The following SLC2A9 variants were observed in gnomAD, a reference collection of about 807,000 sequenced individuals.
SLC2A9 encodes the protein solute carrier family 2, facilitated glucose transporter member 9.
A neutral mutation model predicts 50.6 loss-of-function variants in SLC2A9; 39 were observed. The observed-to-expected ratio is 0.77, with a 90% confidence interval of 0.60 to 1.01. The LOEUF (loss-of-function observed/expected upper bound fraction) is 1.01, where lower values mean the gene tolerates loss of function less well. Ranked by LOEUF, SLC2A9 falls within the 50% of genes least tolerant of loss-of-function variation. The pLI, the probability that SLC2A9 is intolerant of heterozygous loss-of-function variation, is 0.00. For missense variants in SLC2A9, 686 were observed against 677.6 expected, an observed-to-expected ratio of 1.01 and a Z score of -0.14; for synonymous variants, 324 against 276.9, an observed-to-expected ratio of 1.17 and a Z score of -1.69.
chr4:9,932,270 G>A lies in SLC2A9; in HGVS notation c.814+9643C>T, dbSNP rs76010659. ...TTTAAGCAGCAGCGTGCTACAGACT[G>A]TACTCAGCCTTTGGTATACTTTGGT... On this transcript the variant is annotated intron_variant, in intron 6 of 11. Coordinates refer to ENST00000264784, the MANE Select transcript of SLC2A9 (RefSeq NM_020041.3). 1.3e-3 allele frequency among the ~76,000 whole-genome samples: 190 copies of A among 151,986 alleles called. 4 individuals carry two copies. The East Asian group carries it at 0.035, about 28-fold the overall frequency.
Position 9,935,755 on chromosome 4 carries a change from G to A in SLC2A9, c.814+6158C>T, listed in dbSNP as rs114847559. Among the ~76,000 whole-genome samples, 545 of 152,316 alleles carry A rather than the reference G, an allele frequency of 3.6e-3. 4 individuals carry two copies. The highest frequency in any genetic ancestry group is 0.011 in the African/African-American group (469 of 41,572). On this transcript the variant is annotated intron_variant, in intron 6 of 11. Transcript: ENST00000264784. ...CCCCTGAACATATGCTCCCAGCACC[G>A]TCTCGCCTGCAGATGCACCCAGTCA...
intron 6 of SLC2A9, among the ~76,000 whole-genome samples, chr4:9,938,124 T>G (rs1328080727): frequency 6.6e-6 from 1 of 152,224 alleles, no homozygotes; most frequent in Non-Finnish European, 1.5e-5. Context: ...ATTTTCAGTT[T>G]TAAGCAGATA....
At chr4:9,822,614 G>A (rs1463619175), downstream of SLC2A9, among the ~76,000 whole-genome samples, 1 of 151,990 alleles carries the variant, frequency 6.6e-6, no homozygotes, top group African/African-American at 2.4e-5. Flanking sequence ...ATATAGATGG[G>A]CCTTCAAAAA....
At chr4:9,838,607 C>T (rs1261943754) in intron 10 of SLC2A9, among the ~76,000 whole-genome samples, 1 of 152,118 alleles carries the variant, frequency 6.6e-6, no homozygotes, top group East Asian at 1.9e-4. Context: ...TAAAACAATA[C>T]TACAGAATTA....
At chr4:9,898,473 A>G (rs1428565585) in intron 8 of SLC2A9, among the ~76,000 whole-genome samples, 1 of 152,150 alleles carries the variant, frequency 6.6e-6, no homozygotes, top group Non-Finnish European at 1.5e-5. Context: ...CATTGTCTAT[A>G]TTGTATTCAA....
In SLC2A9 at chr4:9,880,080, T is replaced by C. The variant is rs117025073; in HGVS notation, c.1291+7487A>G. ...CATGAGTCTCTCTGCCATTCAGCTC[T>C]GAGCATCTTCCTGCCACACTTTCCC... On this transcript the variant is annotated intron_variant, in intron 10 of 11. Transcript: ENST00000264784. 1.0e-5 allele frequency: 10 copies of C among 985,474 alleles called. No individual in the cohort carries two copies. In the East Asian group the frequency reaches 1.1e-3, roughly 112 times the overall value. The allele number at this position is 985,474 out of a possible 1,614,324, so 61.0% of individuals were successfully genotyped here.
At chr4:10,008,899 GGT>G (rs1491549284) in intron 2 of SLC2A9, among the ~76,000 whole-genome samples, 1 of 134,784 alleles carries the variant, frequency 7.4e-6, no homozygotes, top group Non-Finnish European at 1.6e-5. Context: ...TCTGTGCGGT[GGT>G]TTTTTTTTTT....
intron 1 of SLC2A9, among the ~76,000 whole-genome samples, chr4:10,031,812 T>G (rs1182504596): frequency 6.6e-6 from 1 of 152,152 alleles, no homozygotes; most frequent in Non-Finnish European, 1.5e-5. Flanking sequence ...CCATTCTTGA[T>G]CCCAAGCACT....
intron 5 of SLC2A9, among the ~76,000 whole-genome samples, chr4:9,973,195 A>G (rs1473132618): frequency 1.3e-5 from 2 of 152,230 alleles, no homozygotes; most frequent in African/African-American, 4.8e-5. Context: ...GAAAATCTAG[A>G]GGAAATGAAT....
chr4:9,874,674 T>A (rs1733986704), intron 10 of SLC2A9, among the ~76,000 whole-genome samples: 1 of 152,240 alleles, frequency 6.6e-6, no homozygotes, highest in African/African-American at 2.4e-5. Context: ...ATGTAGGAGA[T>A]GGTGCAGTCC....
intron 5 of SLC2A9, among the ~76,000 whole-genome samples, chr4:9,960,695 G>A (rs1553892273): frequency 6.6e-6 from 1 of 152,184 alleles, no homozygotes; most frequent in African/African-American, 2.4e-5. Context: ...TGTTGTTGTT[G>A]TTTGAATTAG....
At chr4:9,976,183 C>G (rs1754774253) in intron 5 of SLC2A9, among the ~76,000 whole-genome samples, 1 of 152,136 alleles carries the variant, frequency 6.6e-6, no homozygotes, top group Non-Finnish European at 1.5e-5. Context: ...ATAAATTATA[C>G]CCCAAACTTG....
intron 3 of SLC2A9, among the ~76,000 whole-genome samples, chr4:9,992,790 A>G (rs1000533899): frequency 6.6e-6 from 1 of 152,242 alleles, no homozygotes; most frequent in African/African-American, 2.4e-5. Context: ...TTTGGGCTTC[A>G]GCCAGTTTGC....
chr4:9,862,769 C>T (rs1256988601), intron 10 of SLC2A9, among the ~76,000 whole-genome samples: 1 of 151,988 alleles, frequency 6.6e-6, no homozygotes, highest in Admixed American at 6.5e-5. Flanking sequence ...TAGCCCCTTA[C>T]CCTGTTTATT....
In SLC2A9 at chr4:9,960,375, C is replaced by T. The variant is rs538429166; in HGVS notation, c.682-18330G>A. On this transcript the variant is annotated intron_variant, in intron 5 of 11. Transcript: ENST00000264784. ...TAATACAAAATGCTGCCTAACTCTCCCCATCAAATACCTAAGTTGGTGGAC... is the reference window on the plus strand; with the variant it reads ...TAATACAAAATGCTGCCTAACTCTCTCCATCAAATACCTAAGTTGGTGGAC... Among the ~76,000 whole-genome samples, 60 of 152,300 alleles carry T rather than the reference C, an allele frequency of 3.9e-4. 1 individual carries two copies. In the South Asian group the frequency reaches 0.011, roughly 29 times the overall value.
chr4:9,977,114 A>T (rs1754927580), intron 5 of SLC2A9, among the ~76,000 whole-genome samples: 1 of 152,092 alleles, frequency 6.6e-6, no homozygotes, highest in South Asian at 2.1e-4. Context: ...CTGGGATCCA[A>T]TCCTTTCTCC....
At chr4:9,865,875 T>C (rs1732376788) in intron 10 of SLC2A9, among the ~76,000 whole-genome samples, 1 of 152,236 alleles carries the variant, frequency 6.6e-6, no homozygotes, top group Admixed American at 6.5e-5. Context: ...AACACTGGTT[T>C]GCAGGAATCT....
At chr4:10,035,214 C>G (rs936429488) in intron 1 of SLC2A9, 2 of 152,184 alleles carry the variant, frequency 1.3e-5, no homozygotes, top group African/African-American at 4.8e-5. Flanking sequence ...AGGCTGGGCT[C>G]GGGCTGCTGT....
At chr4:9,835,806 G>A (rs942440668) in intron 10 of SLC2A9, among the ~76,000 whole-genome samples, 1 of 152,130 alleles carries the variant, frequency 6.6e-6, no homozygotes, top group Non-Finnish European at 1.5e-5. Context: ...TACAACTGGG[G>A]CCAGGCGCGG....
Sources: allele counts gnomAD v4.1 joint callset (sites outside exome capture counted in the v4.1 genomes callset), GRCh38; gene constraint gnomAD v4.1.1; transcripts MANE v1.5; gene names NCBI Gene and HGNC (gene_info 2026-07-23, HGNC 2026-07-21).